CDKL5: variants seen among roughly 807,000 people sequenced by gnomAD.
The protein encoded by CDKL5 is cyclin dependent kinase like 5.
Under a neutral mutation model 61.7 loss-of-function variants are expected in CDKL5, and 8 were observed. The ratio of observed to expected loss-of-function variants is 0.13; its 90% CI spans 0.08 to 0.23. CDKL5 has a LOEUF of 0.23. Ranked by LOEUF, CDKL5 falls within the 10% of genes least tolerant of loss-of-function variation. The pLI is 1.00. For synonymous variants in CDKL5, 275 were observed against 272.3 expected (o/e 1.01, Z -0.10); for missense variants, 440 against 734.5 (o/e 0.60, Z 4.63).
At chrX:18,488,693 A>G (rs753417139) in intron 1 of CDKL5, among the ~76,000 whole-genome samples, 2 of 111,881 alleles carry the variant, frequency 1.8e-5, no homozygotes, top group Non-Finnish European at 3.8e-5. Context: ...GTTGGTGAAC[A>G]CACTGTAAAG....
chrX:18,642,206 G>T, downstream of CDKL5: 1 of 1,148,534 alleles, frequency 8.7e-7, no homozygotes, highest in Non-Finnish European at 1.2e-6. Flanking sequence ...GAGGGAAAAG[G>T]AAGAAGGGTT....
chrX:18,439,045 G>GCCACCC (rs1931674744), intron 1 of CDKL5, among the ~76,000 whole-genome samples: 1 of 37,487 alleles, frequency 2.7e-5, no homozygotes, highest in Non-Finnish European at 4.4e-5. Context: ...GCCCCTTTTT[G>GCCACCC]CCCCCCCCCC....
rs1927261132 is a variant in CDKL5 at position 18,632,376 on chromosome X, G to A, written c.*3619G>A. 4.0e-6 allele frequency: 3 copies of A among 752,759 alleles called. No individual in the cohort carries two copies. Among genetic ancestry groups the A allele is most frequent in the Non-Finnish European group, 4.7e-6 (3 of 639,101 alleles). The allele number at this position is 752,759 out of a possible 1,213,427, so 62.0% of individuals were successfully genotyped here. On this transcript the variant is annotated 3_prime_UTR_variant, in exon 18 of 18. Coordinates refer to ENST00000623535, the MANE Select transcript of CDKL5 (RefSeq NM_001323289.2). ...CTTAGAAAATCTTTCATAGAGCCAT[G>A]AGGCTTATATTTAGAAGCAAGCAAC...
intron 1 of CDKL5, among the ~76,000 whole-genome samples, chrX:18,439,057 G>T (rs5909476): frequency 6.5e-5 from 1 of 15,360 alleles, no homozygotes; most frequent in Admixed American, 7.5e-4. Context: ...CCCCCCCCCC[G>T]CCCCCCACCA....
At chrX:18,550,167 C>A (rs773902670) in intron 3 of CDKL5, among the ~76,000 whole-genome samples, 15 of 111,800 alleles carry the variant, frequency 1.3e-4, no homozygotes, top group African/African-American at 4.2e-4. Flanking sequence ...AGAGACAGAT[C>A]AACTGGGGTA....
chrX:18,472,509 A>G (rs1459818168), intron 1 of CDKL5, among the ~76,000 whole-genome samples: 2 of 111,992 alleles, frequency 1.8e-5, no homozygotes, highest in Non-Finnish European at 3.8e-5. Context: ...GCATGCCATA[A>G]GACATTGTGC....
intron 16 of CDKL5, chrX:18,623,833 CTTTT>C: frequency 3.4e-6 from 2 of 595,625 alleles, no homozygotes; most frequent in Non-Finnish European, 4.0e-6. Flanking sequence ...AATAAGAGCA[CTTTT>C]TTTTTTTTTT....
downstream of CDKL5, among the ~76,000 whole-genome samples, chrX:18,643,409 A>G (rs750868574): frequency 4.8e-4 from 53 of 111,064 alleles, no homozygotes; most frequent in African/African-American, 1.5e-3. Context: ...CTTTGAGCCT[A>G]TTCAAGTCAG....
intron 1 of CDKL5, among the ~76,000 whole-genome samples, chrX:18,490,409 T>C (rs1238061049): frequency 9.1e-6 from 1 of 109,661 alleles, no homozygotes; most frequent in Admixed American, 9.8e-5. Flanking sequence ...GGATACTCAG[T>C]TGGTGTCAGA....
chrX:18,580,874 C>T (rs1258672658), intron 6 of CDKL5, among the ~76,000 whole-genome samples: 1 of 111,686 alleles, frequency 9.0e-6, no homozygotes, highest in Non-Finnish European at 1.9e-5. Flanking sequence ...AGAATGCCAT[C>T]GTCTTTTATT....
At chrX:18,550,423 C>T (rs761752994) in intron 3 of CDKL5, among the ~76,000 whole-genome samples, 11 of 111,655 alleles carry the variant, frequency 9.9e-5, no homozygotes, top group Non-Finnish European at 2.1e-4. Context: ...GACTATAAAC[C>T]AGAAGGGACT....
chrX:18,500,691 T>TA (rs1324555309), intron 1 of CDKL5, among the ~76,000 whole-genome samples: 1 of 111,571 alleles, frequency 9.0e-6, no homozygotes, highest in African/African-American at 3.3e-5. Context: ...TTTTAGTTTT[T>TA]ATGCCTTAAA....
At chrX:18,522,375 C>T (rs1316581874) in intron 3 of CDKL5, among the ~76,000 whole-genome samples, 3 of 66,810 alleles carry the variant, frequency 4.5e-5, no homozygotes, top group African/African-American at 1.9e-4. Context: ...GACAGACTTT[C>T]GGTGTGTTGC....
intron 3 of CDKL5, among the ~76,000 whole-genome samples, chrX:18,528,237 A>AT (rs749197887): frequency 0.026 from 1,781 of 68,256 alleles, 38 homozygotes; most frequent in East Asian, 0.052. Context: ...ACCCATACTC[A>AT]TTTTTTTTTT....
chrX:18,492,534 C>A (rs1232202150), intron 1 of CDKL5, among the ~76,000 whole-genome samples: 1 of 111,290 alleles, frequency 9.0e-6, no homozygotes, highest in Non-Finnish European at 1.9e-5. Flanking sequence ...TTCTAGTCTT[C>A]CTCAGTGAAG....
At chrX:18,583,858 T>C (rs1042363518) in intron 7 of CDKL5, among the ~76,000 whole-genome samples, 12 of 112,178 alleles carry the variant, frequency 1.1e-4, no homozygotes, top group Non-Finnish European at 9.4e-5. Context: ...CATAGCAAAA[T>C]TAATGACCGT....
chrX:18,547,722 T>C (rs779835080), intron 3 of CDKL5, among the ~76,000 whole-genome samples: 1 of 111,861 alleles, frequency 8.9e-6, no homozygotes, highest in Non-Finnish European at 1.9e-5. Context: ...CAGTTCCTCT[T>C]CCAGGCCTGT....
At chrX:18,568,197 C>T (rs758538651) in intron 4 of CDKL5, among the ~76,000 whole-genome samples, 9 of 111,837 alleles carry the variant, frequency 8.0e-5, no homozygotes, top group Non-Finnish European at 1.5e-4. Context: ...ACTGATATCA[C>T]GGAATATTTT....
chrX:18,563,468 A>G (rs1924868902), intron 3 of CDKL5, among the ~76,000 whole-genome samples: 1 of 112,006 alleles, frequency 8.9e-6, no homozygotes, highest in South Asian at 3.7e-4. Context: ...CCCTATACAT[A>G]CAAGTAAGTT....
Sources: allele counts gnomAD v4.1 joint callset (sites outside exome capture counted in the v4.1 genomes callset), GRCh38; gene constraint gnomAD v4.1.1; transcripts MANE v1.5; gene names NCBI Gene and HGNC (gene_info 2026-07-23, HGNC 2026-07-21).